The following CHRM3 variants were observed in gnomAD, a reference collection of about 807,000 sequenced individuals.
The protein encoded by CHRM3 is muscarinic acetylcholine receptor M3.
A neutral mutation model predicts 41.8 loss-of-function variants in CHRM3; 11 were observed. The observed-to-expected ratio is 0.26, with a 90% CI of 0.17 to 0.44. CHRM3 has a LOEUF of 0.44. CHRM3 is among the 20% of genes least tolerant of loss of function. The probability of loss-of-function intolerance (pLI) is 1.00; values close to 1 mark genes in which losing one functional copy is unlikely to be tolerated. For missense variants in CHRM3, 571 were observed against 745.4 expected, an observed-to-expected ratio of 0.77 and a Z score of 2.72; for synonymous variants, 297 against 301.4, an observed-to-expected ratio of 0.99 and a Z score of 0.15.
At chr1:239,861,787 T>C (rs1359912029) in intron 6 of CHRM3, among the ~76,000 whole-genome samples, 2 of 152,224 alleles carry the variant, frequency 1.3e-5, no homozygotes, top group African/African-American at 4.8e-5. Context: ...TTCCATTTTG[T>C]TTTAGTTCTA....
At chr1:239,398,775 G>T (rs983646523) in intron 1 of CHRM3, among the ~76,000 whole-genome samples, 6 of 152,146 alleles carry the variant, frequency 3.9e-5, no homozygotes, top group Non-Finnish European at 5.9e-5. Flanking sequence ...TTCAATCACA[G>T]TGGACAGTTT....
At chr1:239,610,460 A>G (rs1231692684) in intron 3 of CHRM3, among the ~76,000 whole-genome samples, 3 of 152,072 alleles carry the variant, frequency 2.0e-5, no homozygotes, top group Non-Finnish European at 4.4e-5. Context: ...TTCTCATGTC[A>G]GGGTTATTGG....
In CHRM3 at chr1:239,416,015, C is replaced by G. The variant is rs180906897; in HGVS notation, c.-521+28788C>G. 6.7e-3 allele frequency among the ~76,000 whole-genome samples: 1,013 copies of G among 152,270 alleles called. 14 individuals carry two copies. The highest frequency in any genetic ancestry group is 0.023 in the African/African-American group (944 of 41,558). On this transcript the variant is annotated intron_variant, in intron 1 of 6. Coordinates refer to ENST00000676153, the MANE Select transcript of CHRM3 (RefSeq NM_001375978.1). ...AGCAGGACGCTGCTATGGGGCCTACCTTCTTTGATTATTCACTGTTCAGAG... is the reference window on the plus strand; with the variant it reads ...AGCAGGACGCTGCTATGGGGCCTACGTTCTTTGATTATTCACTGTTCAGAG...
At chr1:239,847,276 T>C (rs1455338508) in intron 6 of CHRM3, among the ~76,000 whole-genome samples, 1 of 152,194 alleles carries the variant, frequency 6.6e-6, no homozygotes, top group African/African-American at 2.4e-5. Flanking sequence ...CACTACGTGG[T>C]TACGTGCACA....
intron 5 of CHRM3, among the ~76,000 whole-genome samples, chr1:239,681,205 C>T (rs1163396283): frequency 6.6e-6 from 1 of 152,172 alleles, no homozygotes. Context: ...GGTGGGGACA[C>T]AGCCAAACCA....
At chr1:239,532,009 CTTTTTTTTTTT>C (rs34798101) in intron 2 of CHRM3, among the ~76,000 whole-genome samples, 3,556 of 76,384 alleles carry the variant, frequency 0.047, 90 homozygotes, top group Middle Eastern at 0.12. Flanking sequence ...TTCCTTCTTT[CTTTTTTTTTTT>C]TTTTTTTTTT....
At chr1:239,450,398 G>T (rs1034720838) in intron 1 of CHRM3, among the ~76,000 whole-genome samples, 1 of 152,018 alleles carries the variant, frequency 6.6e-6, no homozygotes, top group African/African-American at 2.4e-5. Flanking sequence ...AACCAACTTA[G>T]GAATTTATTT....
chr1:239,472,561 A>G (rs1247459656), intron 1 of CHRM3, among the ~76,000 whole-genome samples: 1 of 152,242 alleles, frequency 6.6e-6, no homozygotes, highest in Non-Finnish European at 1.5e-5. Context: ...GCTTTTACAG[A>G]TAACAACTTT....
At chr1:239,614,212 G>T (rs927280909) in intron 3 of CHRM3, among the ~76,000 whole-genome samples, 1 of 152,004 alleles carries the variant, frequency 6.6e-6, no homozygotes, top group African/African-American at 2.4e-5. Context: ...ATACAAGCTC[G>T]CATTTAAGAG....
At chr1:239,511,205 G>C (rs138049896) in intron 2 of CHRM3, among the ~76,000 whole-genome samples, 1 of 152,168 alleles carries the variant, frequency 6.6e-6, no homozygotes, top group Non-Finnish European at 1.5e-5. Context: ...ATTAACAACT[G>C]TGAAGACCAG....
In CHRM3 at chr1:239,446,204, C is replaced by G. The variant is rs1046651173; in HGVS notation, c.-520-46505C>G. ...CCCGCCTTGGCCTCCCAAAGTGTTG[C>G]AATTACAGGCGTGAGCCACCATGCC... is the stretch of plus-strand genomic sequence containing the variant. On this transcript the variant is annotated intron_variant, in intron 1 of 6. Transcript: ENST00000676153. Among the ~76,000 whole-genome samples the G allele has an allele frequency of 6.3e-4, 96 of 152,250 alleles. 1 individual carries two copies. The highest frequency in any genetic ancestry group is 6.8e-3 in the Middle Eastern group (2 of 294).
intron 3 of CHRM3, among the ~76,000 whole-genome samples, chr1:239,588,779 A>T (rs963205499): frequency 6.6e-6 from 1 of 152,168 alleles, no homozygotes; most frequent in East Asian, 1.9e-4. Context: ...ATTTGCATAG[A>T]CTTTGAATAT....
intron 4 of CHRM3, among the ~76,000 whole-genome samples, chr1:239,635,726 C>T (rs982911825): frequency 6.6e-6 from 1 of 152,148 alleles, no homozygotes; most frequent in Non-Finnish European, 1.5e-5. Context: ...CGTTTATCTC[C>T]CATTATAATA....
intron 6 of CHRM3, among the ~76,000 whole-genome samples, chr1:239,839,748 C>A (rs1673624870): frequency 6.9e-6 from 1 of 145,626 alleles, no homozygotes. Flanking sequence ...ACAAAGAGAC[C>A]AACCAGTACC....
rs61441846 is a variant in CHRM3 at position 239,533,731 on chromosome 1, C to CAA, written c.-421-11892_-421-11891dup. On this transcript the variant is annotated intron_variant, in intron 2 of 6. Coordinates refer to ENST00000676153, the MANE Select transcript of CHRM3 (RefSeq NM_001375978.1). ...GGGCAACAAGAGCCAAACTCTGTCTCAAAAAAAAAAAAAAAAAAACAAAAA... is the reference window on the plus strand; with the variant it reads ...GGGCAACAAGAGCCAAACTCTGTCTCAAAAAAAAAAAAAAAAAAAAACAAAAA... 1.7e-3 allele frequency among the ~76,000 whole-genome samples: 64 copies of CAA among 36,968 alleles called. 1 individual carries two copies. Among genetic ancestry groups the CAA allele is most frequent in the African/African-American group, 3.1e-3 (35 of 11,284 alleles). The allele number at this position is 36,968 out of a possible 152,430, so 24.3% of individuals were successfully genotyped here.
chr1:239,538,785 C>A (rs190623230), intron 2 of CHRM3, among the ~76,000 whole-genome samples: 3 of 152,108 alleles, frequency 2.0e-5, no homozygotes, highest in Non-Finnish European at 4.4e-5. Context: ...TAAACCTACC[C>A]AGTAGCAATT....
At chr1:239,773,415 G>A (rs1253830436) in intron 5 of CHRM3, among the ~76,000 whole-genome samples, 2 of 152,166 alleles carry the variant, frequency 1.3e-5, no homozygotes, top group African/African-American at 4.8e-5. Flanking sequence ...GAAGAAGGTA[G>A]TTGCTGCTAT....
chr1:239,663,076 T>C (rs1435082179), intron 4 of CHRM3, among the ~76,000 whole-genome samples: 2 of 151,984 alleles, frequency 1.3e-5, no homozygotes, highest in East Asian at 3.9e-4. Context: ...TATTGCTGTG[T>C]TTGGGAAGCA....
At chr1:239,763,869 G>A (rs146956182) in intron 5 of CHRM3, among the ~76,000 whole-genome samples, 1,923 of 151,818 alleles carry the variant, frequency 0.013, 38 homozygotes, top group African/African-American at 0.044. Context: ...GCCTAAGAAG[G>A]AGGATCACTT....
Sources: gnomAD v4.1 joint callset for allele counts (sites outside exome capture counted in the v4.1 genomes callset) on GRCh38, gnomAD v4.1.1 for gene constraint, MANE v1.5 for transcripts, NCBI Gene and HGNC (gene_info 2026-07-23, HGNC 2026-07-21) for gene names.